Variants in SIPA1L3 observed in about 807,000 individuals in gnomAD.
The protein encoded by SIPA1L3 is signal-induced proliferation-associated 1-like protein 3.
A neutral mutation model predicts 150.1 loss-of-function variants in SIPA1L3; 59 were observed. That is an observed-to-expected ratio of 0.39 (90% CI 0.32 to 0.49). The LOEUF (loss-of-function observed/expected upper bound fraction) is 0.49. Ranked by LOEUF, SIPA1L3 falls within the 20% of genes least tolerant of loss-of-function variation. SIPA1L3 has a pLI of 0.86. For synonymous variants in SIPA1L3, 1,070 were observed against 1,077.6 expected (o/e 0.99, Z 0.14); for missense variants, 2,211 against 2,489.5 (o/e 0.89, Z 2.38).
intron 1 of SIPA1L3, among the ~76,000 whole-genome samples, chr19:37,983,215 A>G (rs776875518): frequency 4.6e-5 from 7 of 152,168 alleles, no homozygotes; most frequent in Non-Finnish European, 1.0e-4. Context: ...TTCTGGGCAA[A>G]TGCCACATCT....
chr19:37,996,502 T>C (rs1203166684), intron 1 of SIPA1L3, among the ~76,000 whole-genome samples: 1 of 152,178 alleles, frequency 6.6e-6, no homozygotes, highest in Non-Finnish European at 1.5e-5. Flanking sequence ...ATGCATTACC[T>C]CACTTGCTTT....
At chr19:38,204,073 G>T (rs1293986333) in intron 20 of SIPA1L3, 54 bp from the exon 21 acceptor site, 3 of 1,446,728 alleles carry the variant, frequency 2.1e-6, no homozygotes, top group African/African-American at 2.8e-5. Flanking sequence ...TGGGCCAGAA[G>T]CCTTCCCCAG....
chr19:37,925,303 G>T (rs552907465), intron 1 of SIPA1L3, among the ~76,000 whole-genome samples: 103 of 152,266 alleles, frequency 6.8e-4, no homozygotes, highest in Middle Eastern at 3.4e-3. Flanking sequence ...ACATGACTGC[G>T]TTAAGGTGGA....
In SIPA1L3 at chr19:38,099,352, T is replaced by G. The variant is rs531133504; in HGVS notation, c.1666-610T>G. Among the ~76,000 whole-genome samples, 341 of 151,122 alleles carry G rather than the reference T, an allele frequency of 2.3e-3. 6 individuals are homozygous for G. In the South Asian group the frequency reaches 0.028, roughly 12 times the overall value. Reference sequence around the variant, plus strand: ...CACGCCTGGCCTTTTTTTTTTTTTTTAAATGAAACTGGTCTGAAACCAGTG... The same window carrying G: ...CACGCCTGGCCTTTTTTTTTTTTTTGAAATGAAACTGGTCTGAAACCAGTG... On this transcript the variant is annotated intron_variant, in intron 4 of 21. Transcript: ENST00000222345.
intron 8 of SIPA1L3, among the ~76,000 whole-genome samples, chr19:38,114,694 C>T (rs1718605107): frequency 6.6e-6 from 1 of 152,218 alleles, no homozygotes; most frequent in Non-Finnish European, 1.5e-5. Context: ...TTCGTCTGTC[C>T]ATGTTTAAAC....
At chr19:38,127,519 G>A (rs1971203838) in intron 9 of SIPA1L3, among the ~76,000 whole-genome samples, 1 of 151,938 alleles carries the variant, frequency 6.6e-6, no homozygotes, top group Admixed American at 6.6e-5. Flanking sequence ...TAAAGACAAG[G>A]TCTTGGTGTC....
intron 1 of SIPA1L3, among the ~76,000 whole-genome samples, chr19:38,000,675 T>TG (rs1967762377): frequency 0.024 from 1 of 42 alleles, no homozygotes; most frequent in Admixed American, 0.5. Context: ...GGCAAAAGAC[T>TG]TTTTTTTTTT....
At position 38,054,596 on chromosome 19, in the gene SIPA1L3, C is replaced by CA. The variant is rs761052948; in HGVS notation, c.-311+25449dup. On this transcript the variant is annotated intron_variant, in intron 2 of 21. Transcript: ENST00000222345. The stretch of plus-strand genomic sequence containing the variant: ...CATGGGCGACAGAGCAACTCCATCT[C>CA]AAAAAAAAAGGAAATTGTCTTTGAA... Among the ~76,000 whole-genome samples the CA allele has an allele frequency of 2.5e-4, 37 of 149,704 alleles. 1 individual carries two copies. In the East Asian group the frequency reaches 6.0e-3, roughly 24 times the overall value.
At chr19:37,921,405 GAGTGCTGGTTGGTCAGATCCTGCC>G (rs1163329360) in intron 1 of SIPA1L3, among the ~76,000 whole-genome samples, 3 of 152,148 alleles carry the variant, frequency 2.0e-5, no homozygotes, top group Admixed American at 6.6e-5. Flanking sequence ...ATGGGAACAG[GAGTGCTGGTTGGTCAGATCCTGCC>G]AGTGCTGGCG....
intron 9 of SIPA1L3, among the ~76,000 whole-genome samples, chr19:38,121,760 CA>C (rs1179427545): frequency 6.6e-6 from 1 of 151,482 alleles, no homozygotes; most frequent in South Asian, 2.1e-4. Flanking sequence ...AATAAACAAA[CA>C]AAAAATAAAT....
At chr19:38,112,102 T>C (rs887918989) in intron 8 of SIPA1L3, among the ~76,000 whole-genome samples, 3 of 142,558 alleles carry the variant, frequency 2.1e-5, no homozygotes, top group African/African-American at 8.2e-5. Context: ...CACACCTACA[T>C]GCACACACAT....
At chr19:38,128,243 C>T (rs1026568388) in intron 9 of SIPA1L3, among the ~76,000 whole-genome samples, 1 of 151,752 alleles carries the variant, frequency 6.6e-6, no homozygotes, top group Non-Finnish European at 1.5e-5. Flanking sequence ...CACTGATCCC[C>T]TTCATGAGGG....
chr19:38,100,989 T>A, intron 5 of SIPA1L3, 63 bp from the exon 6 acceptor site: 1 of 1,486,698 alleles, frequency 6.7e-7, no homozygotes, highest in Non-Finnish European at 8.9e-7. Flanking sequence ...ACATACCCCT[T>A]GCTCCCTTCC....
chr19:38,103,456 G>A (rs956972892), intron 6 of SIPA1L3, among the ~76,000 whole-genome samples: 4 of 152,022 alleles, frequency 2.6e-5, no homozygotes, highest in Admixed American at 6.6e-5. Context: ...GTGAAACCCC[G>A]TCTCTACTAA....
At chr19:38,066,472 C>T (rs893238234) in intron 2 of SIPA1L3, among the ~76,000 whole-genome samples, 2 of 152,150 alleles carry the variant, frequency 1.3e-5, no homozygotes, top group Non-Finnish European at 2.9e-5. Context: ...CCTTTCTTGA[C>T]GTAGACTGGT....
Position 38,164,316 on chromosome 19 carries a change from G to A in SIPA1L3, c.3781-163G>A, listed in dbSNP as rs1972156943. Among the ~76,000 whole-genome samples, 1 of 152,166 alleles carries A rather than the reference G, an allele frequency of 6.6e-6. No individual in the cohort carries two copies. The highest frequency in any genetic ancestry group is 2.4e-5 in the African/African-American group (1 of 41,428). Reference sequence around the variant, plus strand: ...ACAGATGTGGAAACTGAGGCTGAGGGAAGGTAAATCACTTGCCCAAGGTAA... The same window carrying A: ...ACAGATGTGGAAACTGAGGCTGAGGAAAGGTAAATCACTTGCCCAAGGTAA... On this transcript the variant is annotated intron_variant, in intron 14 of 21. Transcript: ENST00000222345. The surrounding 1 kb of genome is among the most constrained non-coding windows in gnomAD (Gnocchi z 4.1).
Position 38,193,741 on chromosome 19 carries a change from G to A in SIPA1L3, c.4801G>A (p.Ala1601Thr), listed in dbSNP as rs777021375. 1 of 1,572,322 alleles carries A rather than the reference G, an allele frequency of 6.4e-7. No homozygotes were observed. Among genetic ancestry groups the A allele is most frequent in the Non-Finnish European group, 8.6e-7 (1 of 1,168,118 alleles). The change falls in exon 18 of 22, where the codon GCC becomes ACC. Residue 1601 changes from alanine to threonine, a missense_variant. Physicochemically the swap from Ala to Thr is moderately conservative, Grantham distance 58. This residue lies in a region of SIPA1L3 where 806 missense variants were observed against 870.1 expected (regional missense o/e 0.93). Coordinates refer to ENST00000222345, the MANE Select transcript of SIPA1L3 (RefSeq NM_015073.3). ...QHPHPPVGPG[A>T]TPAAGSGFPE... ...CCCCCACCCGCCCGTCGGCCCCGGT[G>A]CCACCCCTGCCGCCGGCAGCGGCTT...
At chr19:38,011,471 G>A (rs1391571418) in intron 1 of SIPA1L3, among the ~76,000 whole-genome samples, 2 of 152,064 alleles carry the variant, frequency 1.3e-5, no homozygotes, top group African/African-American at 4.8e-5. Flanking sequence ...GTGAGACCCT[G>A]TCTTGAAAAA....
intron 2 of SIPA1L3, among the ~76,000 whole-genome samples, chr19:38,079,607 A>T (rs1464428030): frequency 6.8e-6 from 1 of 147,096 alleles, no homozygotes; most frequent in South Asian, 2.1e-4. Flanking sequence ...CCCAGGCTGG[A>T]GTGCAGTGGT....
Sources: allele counts gnomAD v4.1 joint callset (sites outside exome capture counted in the v4.1 genomes callset), GRCh38; gene constraint gnomAD v4.1.1; regional missense constraint gnomAD v4.1.1; non-coding constraint Gnocchi (gnomAD v3.1); transcripts MANE v1.5; gene names NCBI Gene and HGNC (gene_info 2026-07-23, HGNC 2026-07-21).